The following PCDHGA2 variants were observed in gnomAD, a reference collection of about 807,000 sequenced individuals.
The protein encoded by PCDHGA2 is protocadherin gamma subfamily A, 2, also known as protocadherin gamma-A2.
In PCDHGA2, 40 loss-of-function variants were observed where a neutral mutation model predicts 59.2. That is an observed-to-expected ratio of 0.68 (90% CI 0.52 to 0.88). PCDHGA2 has a LOEUF of 0.88. Ranked by LOEUF, PCDHGA2 falls within the 40% of genes least tolerant of loss-of-function variation. The pLI is 0.00. For missense variants in PCDHGA2, 1,226 were observed against 1,204.0 expected (o/e 1.02, Z -0.27); for synonymous variants, 560 against 526.0 (o/e 1.06, Z -0.89).
In PCDHGA2 at chr5:141,511,555, C is replaced by T; in HGVS notation, c.*382C>T. 1 of 305,302 alleles carries T rather than the reference C, an allele frequency of 3.3e-6. No individual in the cohort carries two copies. Among genetic ancestry groups the T allele is most frequent in the South Asian group, 3.6e-5 (1 of 28,078 alleles). 18.9% of individuals were successfully genotyped at this position (305,302 alleles called of 1,614,324 possible). ...CCTCCCCACCCCACTCCAACAGTTC[C>T]TCTTTCCCGAGTAAGGTGGTTGGGG... On this transcript the variant is annotated 3_prime_UTR_variant, in exon 4 of 4. Coordinates refer to ENST00000394576, the MANE Select transcript of PCDHGA2 (RefSeq NM_018915.4).
intron 1 of PCDHGA2, chr5:141,415,423 G>A: frequency 1.2e-6 from 2 of 1,614,204 alleles, no homozygotes; most frequent in Non-Finnish European, 1.7e-6. Context: ...CGTGGACGGG[G>A]TTCGGGCTTT....
rs766885846 is a variant in PCDHGA2 at position 141,393,434 on chromosome 5, TCAC to T, written c.2424+52044_2424+52046del. The stretch of plus-strand genomic sequence containing the variant: ...CCCTGGACAGGGAGGAAGAGGCTGC[TCAC>T]CACCTGGTCCTCACGGCCTCGGATG... On this transcript the variant is annotated intron_variant, in intron 1 of 3. Coordinates refer to ENST00000394576, the MANE Select transcript of PCDHGA2 (RefSeq NM_018915.4). 11 of 1,613,902 alleles carry T rather than the reference TCAC, an allele frequency of 6.8e-6. No individual in the cohort carries two copies. The African/African-American group carries it at 1.2e-4, about 18-fold the overall frequency.
chr5:141,423,720 A>G, intron 1 of PCDHGA2: 1 of 957,774 alleles, frequency 1.0e-6, no homozygotes, highest in East Asian at 6.0e-5. Flanking sequence ...TTTTAAGGAG[A>G]TGTTTTTTGA....
At chr5:141,343,817 G>C (rs1299443992) in intron 1 of PCDHGA2, 5 of 476,310 alleles carry the variant, frequency 1.0e-5, no homozygotes, top group Non-Finnish European at 1.8e-5. Flanking sequence ...AACGCAGCTG[G>C]AGAACTAGTC....
chr5:141,420,293 A>T (rs1478341095), intron 1 of PCDHGA2: 1 of 1,485,484 alleles, frequency 6.7e-7, no homozygotes, highest in Admixed American at 2.2e-5. Context: ...TTAAAAATGT[A>T]TTTAATCCTT....
At chr5:141,396,781 G>T (rs1270995904) in intron 1 of PCDHGA2, 1 of 152,204 alleles carries the variant, frequency 6.6e-6, no homozygotes, top group East Asian at 1.9e-4. Context: ...TTAATGAAAA[G>T]GACATTTCCT....
At chr5:141,510,887 G>C (rs2099883217) in intron 3 of PCDHGA2, 60 bp from the exon 4 acceptor site, 2 of 1,612,600 alleles carry the variant, frequency 1.2e-6, no homozygotes, top group East Asian at 4.5e-5. Context: ...GGGGATATAA[G>C]ACAGTGACTG....
At position 141,486,449 on chromosome 5, in the gene PCDHGA2, A is replaced by G; in HGVS notation, c.2425-8358A>G. On this transcript the variant is annotated intron_variant, in intron 1 of 3. Coordinates refer to ENST00000394576, the MANE Select transcript of PCDHGA2 (RefSeq NM_018915.4). The surrounding 1 kb of genome is among the most constrained non-coding windows in gnomAD (Gnocchi z 5.0). The stretch of plus-strand genomic sequence containing the variant: ...CAAATCTAGCTATGACATCATGGTC[A>G]CTGCTTCTGATGCTGGGAACCCTCC... The G allele has an allele frequency of 6.2e-7, 1 of 1,614,184 alleles. No homozygotes were observed. Among genetic ancestry groups the G allele is most frequent in the Non-Finnish European group, 8.5e-7 (1 of 1,180,000 alleles).
At chr5:141,427,294 AT>A (rs2097012877) in intron 1 of PCDHGA2, 1 of 456,758 alleles carries the variant, frequency 2.2e-6, no homozygotes, top group Non-Finnish European at 4.4e-6. Flanking sequence ...GAAATCCTAG[AT>A]GAGAATGACA....
chr5:141,412,396 A>G (rs2095553141), intron 1 of PCDHGA2: 1 of 152,216 alleles, frequency 6.6e-6, no homozygotes, highest in Non-Finnish European at 1.5e-5. Flanking sequence ...TTTAACTTGT[A>G]TCCCTGTAAG....
chr5:141,427,023 G>A, intron 1 of PCDHGA2: 1 of 456,968 alleles, frequency 2.2e-6, no homozygotes, highest in Non-Finnish European at 4.4e-6. Flanking sequence ...TGTATACAAA[G>A]TCAGCCTTAG....
At position 141,491,809 on chromosome 5, in the gene PCDHGA2, C is replaced by A. The variant is rs1421763758; in HGVS notation, c.2425-2998C>A. The A allele has an allele frequency of 6.7e-7, 1 of 1,487,044 alleles. No homozygotes were observed. The highest frequency in any genetic ancestry group is 1.4e-5 in the South Asian group (1 of 72,986). The allele number at this position is 1,487,044 out of a possible 1,614,324, so 92.1% of individuals were successfully genotyped here. On this transcript the variant is annotated intron_variant, in intron 1 of 3. Coordinates refer to ENST00000394576, the MANE Select transcript of PCDHGA2 (RefSeq NM_018915.4). This position sits in a 1 kb window ranked among gnomAD's most constrained non-coding sequence, Gnocchi z 6.9. Reference sequence around the variant, plus strand: ...TCCACTCCTCTCCGGCCGGCTTGGTCGCTGGCTGCGCTCCACCCGATTCTC... The same window carrying A: ...TCCACTCCTCTCCGGCCGGCTTGGTAGCTGGCTGCGCTCCACCCGATTCTC...
chr5:141,498,994 AAGG>A (rs1310594976), intron 2 of PCDHGA2, among the ~76,000 whole-genome samples: 4 of 148,560 alleles, frequency 2.7e-5, no homozygotes, highest in Non-Finnish European at 4.5e-5. Flanking sequence ...GGAAGGAAGG[AAGG>A]AAGGAAGGAA....
intron 1 of PCDHGA2, among the ~76,000 whole-genome samples, chr5:141,406,302 C>T (rs897412289): frequency 1.3e-4 from 20 of 152,020 alleles, no homozygotes; most frequent in African/African-American, 4.8e-4. Context: ...GAGGTGTGAA[C>T]CACCTCACCC....
At chr5:141,365,090 A>G (rs774588043) in intron 1 of PCDHGA2, 1 of 1,613,830 alleles carries the variant, frequency 6.2e-7, no homozygotes, top group East Asian at 2.2e-5. Flanking sequence ...TGTTCCAGAG[A>G]ACATACCTGT....
chr5:141,401,890 C>T (rs2094204069), intron 1 of PCDHGA2, among the ~76,000 whole-genome samples: 1 of 152,084 alleles, frequency 6.6e-6, no homozygotes, highest in Non-Finnish European at 1.5e-5. Context: ...ATTTTGTGTT[C>T]TTTTTCCCAA....
At chr5:141,379,592 TACCTGTGACCATTTCATTTAA>T (rs1451558055) in intron 1 of PCDHGA2, 2 of 152,236 alleles carry the variant, frequency 1.3e-5, no homozygotes, top group East Asian at 3.8e-4. Flanking sequence ...ATTCTCTTAT[TACCTGTGACCATTTCATTTAA>T]ACAAATAAAA....
chr5:141,454,998 G>A (rs909142112), intron 1 of PCDHGA2, among the ~76,000 whole-genome samples: 1 of 151,220 alleles, frequency 6.6e-6, no homozygotes, highest in Admixed American at 6.6e-5. Flanking sequence ...ATTTTTAGTA[G>A]AGACGGGGTT....
intron 1 of PCDHGA2, chr5:141,412,918 G>T: frequency 2.4e-6 from 1 of 414,220 alleles, no homozygotes; most frequent in Non-Finnish European, 4.2e-6. Flanking sequence ...TATCACTTGG[G>T]TGCAGTAACT....
Sources: gnomAD v4.1 joint callset for allele counts (sites outside exome capture counted in the v4.1 genomes callset) on GRCh38, gnomAD v4.1.1 for gene constraint, Gnocchi (gnomAD v3.1) non-coding constraint, MANE v1.5 for transcripts, NCBI Gene and HGNC (gene_info 2026-07-23, HGNC 2026-07-21) for gene names.